Variants in LINGO2 observed in about 807,000 individuals in gnomAD.
LINGO2 encodes leucine-rich repeat and immunoglobulin-like domain-containing nogo receptor-interacting protein 2.
LINGO2 carries 14 observed loss-of-function variants against 30.6 expected under a neutral mutation model. The ratio of observed to expected loss-of-function variants is 0.46; its 90% CI spans 0.30 to 0.72. The LOEUF is 0.72. Among genes scored for constraint, LINGO2 ranks in the 30% least tolerant of loss-of-function variants. The pLI is 0.07. For missense variants in LINGO2, 729 were observed against 751.7 expected, an observed-to-expected ratio of 0.97 and a Z score of 0.35; for synonymous variants, 317 against 288.5, an observed-to-expected ratio of 1.10 and a Z score of -1.00.
At chr9:28,827,700 T>C in the LINGO2 span, among the ~76,000 whole-genome samples, 7 of 152,126 alleles carry the variant, frequency 4.6e-5, no homozygotes, top group African/African-American at 1.7e-4. Context: ...TAGGTTATTA[T>C]AACAAAATGT....
At chr9:28,110,142 G>C (rs997697554) in intron 4 of LINGO2, among the ~76,000 whole-genome samples, 1 of 152,086 alleles carries the variant, frequency 6.6e-6, no homozygotes, top group South Asian at 2.1e-4. Flanking sequence ...CAAGCAATGG[G>C]GAAAAATTTC....
At chr9:28,838,588 C>G in the LINGO2 span, among the ~76,000 whole-genome samples, 5 of 152,144 alleles carry the variant, frequency 3.3e-5, no homozygotes, top group African/African-American at 4.8e-5. Context: ...CTCTTATTTG[C>G]TCAAGCTAAT....
intron 1 of LINGO2, among the ~76,000 whole-genome samples, chr9:28,552,374 T>A (rs1047022295): frequency 1.3e-5 from 2 of 152,126 alleles, no homozygotes; most frequent in African/African-American, 4.8e-5. Flanking sequence ...TTAAATACTT[T>A]GTTGCATACT....
chr9:28,199,040 T>G (rs931303510), intron 4 of LINGO2, among the ~76,000 whole-genome samples: 3 of 152,188 alleles, frequency 2.0e-5, no homozygotes, highest in Non-Finnish European at 4.4e-5. Context: ...TTCTTTTCCA[T>G]GTACATCTTG....
chr9:28,758,042 T>C, the LINGO2 span, among the ~76,000 whole-genome samples: 1 of 152,030 alleles, frequency 6.6e-6, no homozygotes, highest in Non-Finnish European at 1.5e-5. Context: ...TCCATGGTTC[T>C]CCATGGAAGG....
intron 1 of LINGO2, among the ~76,000 whole-genome samples, chr9:28,621,950 T>G (rs1826418776): frequency 1.3e-5 from 2 of 152,092 alleles, no homozygotes; most frequent in South Asian, 4.1e-4. Flanking sequence ...TGAAAAAATG[T>G]GCCAAGACTT....
Position 28,003,342 on chromosome 9 carries a change from T to TATAGATAGATAG in LINGO2, c.-36+9001_-36+9012dup, listed in dbSNP as rs200150497. 7.0e-3 allele frequency among the ~76,000 whole-genome samples: 998 copies of TATAGATAGATAG among 141,726 alleles called. 6 individuals carry two copies. Among genetic ancestry groups the TATAGATAGATAG allele is most frequent in the South Asian group, 0.011 (50 of 4,358 alleles). 93.0% of individuals were successfully genotyped at this position (141,726 alleles called of 152,430 possible). A position where few individuals can be genotyped will look rare whatever the true frequency, so the allele number is the denominator to read the frequency against. On this transcript the variant is annotated intron_variant, in intron 5 of 5. Transcript: ENST00000379992. Reference sequence around the variant, plus strand: ...TGTTAACCATATAGATATATAGATATATAGATAGATAGATAGATAGATAGA... The same window carrying TATAGATAGATAG: ...TGTTAACCATATAGATATATAGATATATAGATAGATAGATAGATAGATAGATAGATAGATAGA...
At chr9:28,758,509 A>G in the LINGO2 span, among the ~76,000 whole-genome samples, 1 of 152,016 alleles carries the variant, frequency 6.6e-6, no homozygotes, top group Non-Finnish European at 1.5e-5. Flanking sequence ...AAACCAATAC[A>G]GTGTGGTTTT....
At chr9:28,865,727 T>C in the LINGO2 span, among the ~76,000 whole-genome samples, 1 of 152,132 alleles carries the variant, frequency 6.6e-6, no homozygotes, top group Non-Finnish European at 1.5e-5. Context: ...GAGGTTGCAG[T>C]GAGCCAAGAT....
chr9:28,980,101 C>T, the LINGO2 span, among the ~76,000 whole-genome samples: 34 of 152,104 alleles, frequency 2.2e-4, no homozygotes, highest in African/African-American at 6.5e-4. Context: ...AAAGGCAAAT[C>T]CATTTTCTGA....
At chr9:28,252,386 T>C (rs1489834327) in intron 4 of LINGO2, among the ~76,000 whole-genome samples, 1 of 152,016 alleles carries the variant, frequency 6.6e-6, no homozygotes, top group Non-Finnish European at 1.5e-5. Flanking sequence ...TCACTATGCC[T>C]AGCTAATTTG....
intron 4 of LINGO2, among the ~76,000 whole-genome samples, chr9:28,173,000 T>G (rs1828645784): frequency 6.6e-6 from 1 of 152,206 alleles, no homozygotes; most frequent in Non-Finnish European, 1.5e-5. Flanking sequence ...TGACTGTGCC[T>G]ATTAGGTTCA....
intron 1 of LINGO2, among the ~76,000 whole-genome samples, chr9:28,655,407 C>T (rs1828293801): frequency 6.6e-6 from 1 of 151,962 alleles, no homozygotes; most frequent in African/African-American, 2.4e-5. Context: ...AAGGGACTTG[C>T]CTTGTCTCAG....
chr9:28,802,239 G>T, the LINGO2 span, among the ~76,000 whole-genome samples: 1 of 151,906 alleles, frequency 6.6e-6, no homozygotes, highest in South Asian at 2.1e-4. Context: ...ATTTAATCAA[G>T]ACAAAATAAT....
chr9:28,291,764 T>C (rs969489547), intron 4 of LINGO2, among the ~76,000 whole-genome samples: 5 of 152,168 alleles, frequency 3.3e-5, no homozygotes, highest in African/African-American at 1.2e-4. Context: ...AGAGAGAGAA[T>C]GTGGCAGAAT....
chr9:28,709,019 CT>C, the LINGO2 span, among the ~76,000 whole-genome samples: 18 of 152,218 alleles, frequency 1.2e-4, no homozygotes, highest in South Asian at 3.7e-3. Context: ...CATTTTTCCT[CT>C]CCCACATGTC....
At chr9:29,111,820 G>GATAT in the LINGO2 span, among the ~76,000 whole-genome samples, 2 of 54,648 alleles carry the variant, frequency 3.7e-5, no homozygotes, top group Admixed American at 3.6e-4. Flanking sequence ...CAGATTTAAA[G>GATAT]ATATATATAT....
intron 1 of LINGO2, among the ~76,000 whole-genome samples, chr9:28,641,261 C>G (rs1827562917): frequency 1.3e-5 from 2 of 152,134 alleles, no homozygotes; most frequent in Admixed American, 6.5e-5. Context: ...TGGTCTCGAT[C>G]TCCTGACCTC....
At chr9:28,749,399 T>C in the LINGO2 span, among the ~76,000 whole-genome samples, 2 of 152,036 alleles carry the variant, frequency 1.3e-5, no homozygotes, top group East Asian at 1.9e-4. Context: ...TTAAACTATA[T>C]AGAGAATAAT....
Sources: allele counts gnomAD v4.1 joint callset (sites outside exome capture counted in the v4.1 genomes callset), GRCh38; gene constraint gnomAD v4.1.1; transcripts MANE v1.5; gene names NCBI Gene and HGNC (gene_info 2026-07-23, HGNC 2026-07-21).